HUNK: variants seen among roughly 807,000 people sequenced by gnomAD.
The protein encoded by HUNK is hormonally up-regulated neu tumor-associated kinase.
In HUNK, 21 loss-of-function variants were observed where a neutral mutation model predicts 61.0. The ratio of observed to expected loss-of-function variants is 0.34; its 90% CI spans 0.24 to 0.50. The LOEUF (loss-of-function observed/expected upper bound fraction) is 0.50. Among genes scored for constraint, HUNK ranks in the 20% least tolerant of loss-of-function variants. The pLI is 0.98. For missense variants in HUNK, 772 were observed against 945.7 expected, an observed-to-expected ratio of 0.82 and a Z score of 2.41; for synonymous variants, 371 against 386.1, an observed-to-expected ratio of 0.96 and a Z score of 0.46.
In HUNK at chr21:31,935,337, A is replaced by G. The variant is rs575371793; in HGVS notation, c.555-4828A>G. Among the ~76,000 whole-genome samples the G allele has an allele frequency of 3.9e-5, 6 of 152,236 alleles. No homozygotes were observed. The South Asian group carries it at 1.2e-3, about 32-fold the overall frequency. On this transcript the variant is annotated intron_variant, in intron 2 of 10. Coordinates refer to ENST00000270112, the MANE Select transcript of HUNK (RefSeq NM_014586.2). ...TCCCGCATACCTTCCCCCTACTCACATTTTCCCTGTTACGAATATCTTGTG... is the reference window on the plus strand; with the variant it reads ...TCCCGCATACCTTCCCCCTACTCACGTTTTCCCTGTTACGAATATCTTGTG...
At chr21:31,917,680 T>A in intron 1 of HUNK, among the ~76,000 whole-genome samples, 1 of 131,992 alleles carries the variant, frequency 7.6e-6, no homozygotes, top group African/African-American at 2.9e-5. Context: ...CTCCTGAAAC[T>A]CCCATTCCCA....
intron 4 of HUNK, among the ~76,000 whole-genome samples, chr21:31,952,361 G>A (rs145156472): frequency 1.9e-3 from 294 of 152,264 alleles, no homozygotes; most frequent in African/African-American, 6.7e-3. Flanking sequence ...CAGAAGCAAG[G>A]TGCATCTCCC....
intron 4 of HUNK, among the ~76,000 whole-genome samples, chr21:31,951,302 A>G (rs1289353596): frequency 6.6e-6 from 1 of 152,102 alleles, no homozygotes; most frequent in African/African-American, 2.4e-5. Context: ...AACTTTTATT[A>G]CTGTGAATTG....
chr21:31,953,366 C>A (rs2052865612), intron 4 of HUNK, among the ~76,000 whole-genome samples: 2 of 152,014 alleles, frequency 1.3e-5, no homozygotes, highest in African/African-American at 4.8e-5. Context: ...TCCAAAGTAG[C>A]TGGGAATATA....
At position 31,999,487 on chromosome 21, in the gene HUNK, G is replaced by T. The variant is rs956181324; in HGVS notation, c.*303G>T. 3 of 362,932 alleles carry T rather than the reference G, an allele frequency of 8.3e-6. No homozygotes were observed. Among genetic ancestry groups the T allele is most frequent in the Admixed American group, 4.3e-5 (1 of 23,120 alleles). 22.5% of individuals were successfully genotyped at this position (362,932 alleles called of 1,614,324 possible). A position where few individuals can be genotyped will look rare whatever the true frequency, so the allele number is the denominator to read the frequency against. ...CCCCCAGGCTTGGGGGGAAAACAGGGCATGAGCCTTCTGGGGCACTCAGAT... is the reference window on the plus strand; with the variant it reads ...CCCCCAGGCTTGGGGGGAAAACAGGTCATGAGCCTTCTGGGGCACTCAGAT... On this transcript the variant is annotated 3_prime_UTR_variant, in exon 11 of 11. Coordinates refer to ENST00000270112, the MANE Select transcript of HUNK (RefSeq NM_014586.2).
chr21:31,921,872 C>T (rs1432666227), intron 1 of HUNK, among the ~76,000 whole-genome samples: 1 of 152,162 alleles, frequency 6.6e-6, no homozygotes, highest in South Asian at 2.1e-4. Flanking sequence ...TGACAGATAA[C>T]CGCGTGTGCT....
chr21:31,891,260 C>T (rs2052385807), intron 1 of HUNK, among the ~76,000 whole-genome samples: 1 of 152,212 alleles, frequency 6.6e-6, no homozygotes, highest in Non-Finnish European at 1.5e-5. Context: ...CCCTGCAATC[C>T]CAGCTACTTG....
intron 1 of HUNK, among the ~76,000 whole-genome samples, chr21:31,879,391 G>C (rs2052289398): frequency 6.6e-6 from 1 of 152,208 alleles, no homozygotes; most frequent in African/African-American, 2.4e-5. Context: ...TTCTGCAGTT[G>C]CAGGCGGATT....
Position 32,000,471 on chromosome 21 carries a change from G to A in HUNK, c.*1287G>A, listed in dbSNP as rs568969909. On this transcript the variant is annotated 3_prime_UTR_variant, in exon 11 of 11. Coordinates refer to ENST00000270112, the MANE Select transcript of HUNK (RefSeq NM_014586.2). Reference sequence around the variant, plus strand: ...TTGTGGACAGCCGTGTTGTCTGACTGTATCCAGCTGGCACTTGACAGGGTG... The same window carrying A: ...TTGTGGACAGCCGTGTTGTCTGACTATATCCAGCTGGCACTTGACAGGGTG... 6.8e-5 allele frequency: 27 copies of A among 399,214 alleles called. No homozygotes were observed. Among genetic ancestry groups the A allele is most frequent in the East Asian group, 4.6e-4 (13 of 28,084 alleles). The allele number at this position is 399,214 out of a possible 1,614,324, so 24.7% of individuals were successfully genotyped here.
intron 4 of HUNK, among the ~76,000 whole-genome samples, 155 bp from the exon 5 acceptor site, chr21:31,958,688 A>C (rs972076372): frequency 3.3e-5 from 5 of 152,100 alleles, no homozygotes; most frequent in Non-Finnish European, 5.9e-5. Flanking sequence ...CTCTTTCAAC[A>C]TGACACTGAG....
intron 1 of HUNK, among the ~76,000 whole-genome samples, chr21:31,891,309 G>A (rs1347423371): frequency 3.3e-5 from 5 of 152,212 alleles, no homozygotes; most frequent in Non-Finnish European, 5.9e-5. Flanking sequence ...CCCAGGAGGC[G>A]GAGGTTGCAG....
rs1453592684 is a variant in HUNK at position 31,958,890 on chromosome 21, T to C, written c.794T>C (p.Val265Ala). ...AMLTGTLPFT[V>A]EPFSLRALYQ... ...TTGACCGGGACGCTGCCTTTCACGG[T>C]GGAGCCTTTCAGCCTGAGGGCTTTG... The change falls in exon 5 of 11, where the codon GTG becomes GCG. Residue 265 changes from valine to alanine, a missense_variant. Val to Ala is a moderately conservative substitution (Grantham distance 64, BLOSUM62 0). Transcript: ENST00000270112. The C allele has an allele frequency of 6.2e-7, 1 of 1,611,072 alleles. No homozygotes were observed. The highest frequency in any genetic ancestry group is 8.5e-7 in the Non-Finnish European group (1 of 1,179,046).
In HUNK at chr21:31,892,889, T is replaced by C. The variant is rs372020208; in HGVS notation, c.261+18954T>C. Reference sequence around the variant, plus strand: ...CACCTCTGCCGCAGACCTCCCTTTCTTGGCAGCTTCTGTGGTTCCTTGGGC... The same window carrying C: ...CACCTCTGCCGCAGACCTCCCTTTCCTGGCAGCTTCTGTGGTTCCTTGGGC... On this transcript the variant is annotated intron_variant, in intron 1 of 10. Transcript: ENST00000270112. Among the ~76,000 whole-genome samples, 9 of 152,254 alleles carry C rather than the reference T, an allele frequency of 5.9e-5. No individual in the cohort carries two copies. The East Asian group carries it at 1.4e-3, about 23-fold the overall frequency.
At chr21:31,884,374 T>C (rs1489342805) in intron 1 of HUNK, among the ~76,000 whole-genome samples, 3 of 152,034 alleles carry the variant, frequency 2.0e-5, no homozygotes, top group Admixed American at 6.5e-5. Flanking sequence ...GGTGGATCAC[T>C]TGAGGTCAGG....
intron 2 of HUNK, among the ~76,000 whole-genome samples, chr21:31,934,442 CAA>C (rs35817125): frequency 1.0e-3 from 90 of 88,788 alleles, no homozygotes; most frequent in African/African-American, 1.8e-3. Flanking sequence ...GACTCTGCCT[CAA>C]AAAAAAAAAA....
At chr21:31,884,311 G>A (rs1396435443) in intron 1 of HUNK, among the ~76,000 whole-genome samples, 2 of 152,098 alleles carry the variant, frequency 1.3e-5, no homozygotes, top group African/African-American at 4.8e-5. Context: ...AAATAAAAAA[G>A]GCCAGGCATG....
chr21:31,890,092 A>G (rs1270998306), intron 1 of HUNK, among the ~76,000 whole-genome samples: 4 of 152,176 alleles, frequency 2.6e-5, no homozygotes, highest in South Asian at 2.1e-4. Flanking sequence ...GAGATTTTTA[A>G]CAGATCAAAA....
intron 9 of HUNK, among the ~76,000 whole-genome samples, chr21:31,995,500 A>G (rs2053198302): frequency 6.6e-6 from 1 of 152,202 alleles, no homozygotes; most frequent in Non-Finnish European, 1.5e-5. Context: ...CCTCCTAGGA[A>G]TGCCCTGCCC....
At chr21:31,987,306 C>T (rs7280804) in intron 8 of HUNK, among the ~76,000 whole-genome samples, 5,061 of 152,288 alleles carry the variant, frequency 0.033, 158 homozygotes, top group African/African-American at 0.084. Context: ...AGCCAGAGTC[C>T]AGGGGATGCA....
Sources: gnomAD v4.1 joint callset for allele counts (sites outside exome capture counted in the v4.1 genomes callset) on GRCh38, gnomAD v4.1.1 for gene constraint, MANE v1.5 for transcripts, NCBI Gene and HGNC (gene_info 2026-07-23, HGNC 2026-07-21) for gene names.